MICU3: variants seen among roughly 807,000 people sequenced by gnomAD.
MICU3 encodes the protein calcium uptake protein 3, mitochondrial.
Under a neutral mutation model 66.5 loss-of-function variants are expected in MICU3, and 62 were observed. The observed-to-expected ratio is 0.93, with a 90% CI of 0.76 to 1.15. MICU3 has a LOEUF of 1.15. Ranked by LOEUF, MICU3 falls within the 50% of genes most tolerant of loss-of-function variation. MICU3 has a pLI of 0.00. For synonymous variants in MICU3, 308 were observed against 240.7 expected (o/e 1.28, Z -2.59); for missense variants, 779 against 664.4 (o/e 1.17, Z -1.90).
chr8:17,065,361 A>G (rs776270951), intron 2 of MICU3, among the ~76,000 whole-genome samples: 13 of 152,200 alleles, frequency 8.5e-5, no homozygotes, highest in Non-Finnish European at 1.9e-4. Context: ...TCCACTGGAT[A>G]TCAAGGAAGA....
At chr8:17,129,345 T>G in the MICU3 span, among the ~76,000 whole-genome samples, 1 of 152,170 alleles carries the variant, frequency 6.6e-6, no homozygotes, top group Non-Finnish European at 1.5e-5. Flanking sequence ...ACCCACATAT[T>G]TGAATTAGCA....
rs545893314 is a variant in MICU3, at chr8:17,120,826, A to C, written c.*539A>C. 1.3e-5 allele frequency: 2 copies of C among 152,586 alleles called. No homozygotes were observed. The highest frequency in any genetic ancestry group is 4.1e-4 in the South Asian group (2 of 4,822). 9.5% of individuals were successfully genotyped at this position (152,586 alleles called of 1,614,324 possible). Reference sequence around the variant, plus strand: ...TGAGATAATTTTGAAAAGAAATAGAAATTAAGCTACTATATAAAACAATTG... The same window carrying C: ...TGAGATAATTTTGAAAAGAAATAGACATTAAGCTACTATATAAAACAATTG... On this transcript the variant is annotated 3_prime_UTR_variant, in exon 15 of 15. Coordinates refer to ENST00000318063, the MANE Select transcript of MICU3 (RefSeq NM_181723.3).
chr8:17,036,420 G>C (rs918115802), intron 1 of MICU3, among the ~76,000 whole-genome samples: 3 of 152,040 alleles, frequency 2.0e-5, no homozygotes, highest in Non-Finnish European at 2.9e-5. Flanking sequence ...ATGCTGGCTC[G>C]GGCAGCCTGC....
chr8:17,094,320 A>G (rs1183108336), intron 8 of MICU3, among the ~76,000 whole-genome samples: 6 of 152,036 alleles, frequency 3.9e-5, no homozygotes, highest in African/African-American at 9.7e-5. Context: ...GAGGATCCAA[A>G]AGATATTTTG....
intron 4 of MICU3, among the ~76,000 whole-genome samples, chr8:17,078,428 C>T (rs1422696469): frequency 6.6e-6 from 1 of 151,956 alleles, no homozygotes; most frequent in Non-Finnish European, 1.5e-5. Flanking sequence ...TTAAACATTT[C>T]CTGGCAATCA....
intron 1 of MICU3, among the ~76,000 whole-genome samples, chr8:17,046,746 A>G (rs1329048226): frequency 6.6e-6 from 1 of 152,118 alleles, no homozygotes; most frequent in Non-Finnish European, 1.5e-5. Context: ...AAGGATGGAC[A>G]AGGAAAAAAA....
downstream of MICU3, among the ~76,000 whole-genome samples, chr8:17,125,379 A>C (rs1179007628): frequency 3.1e-4 from 47 of 150,038 alleles, no homozygotes. Context: ...TCATTGCCTT[A>C]TTTCTTTTTT....
chr8:17,075,891 G>C (rs1302391296), intron 3 of MICU3, among the ~76,000 whole-genome samples: 1 of 150,074 alleles, frequency 6.7e-6, no homozygotes. Context: ...CTGTAGCTGA[G>C]TTTAAGTTAG....
At position 17,027,302 on chromosome 8, in the gene MICU3, T is replaced by C. The variant is rs760297492; in HGVS notation, c.23T>C (p.Leu8Ser). 6 of 1,361,756 alleles carry C rather than the reference T, an allele frequency of 4.4e-6. No individual in the cohort carries two copies. In the East Asian group the frequency reaches 2.6e-4, roughly 59 times the overall value. The allele number at this position is 1,361,756 out of a possible 1,614,324, so 84.4% of individuals were successfully genotyped here. A position where few individuals can be genotyped will look rare whatever the true frequency, so the allele number is the denominator to read the frequency against. Residue 8 changes from leucine to serine, a missense_variant, in exon 1 of 15, where the codon TTG (leucine) becomes TCG (serine). Physicochemically the swap from Leu to Ser is moderately radical, Grantham distance 145. Coordinates refer to ENST00000318063, the MANE Select transcript of MICU3 (RefSeq NM_181723.3). The part of the protein sequence containing the change: MAALRRL[L>S]WPPPRVSPPL... ...GCTATGGCTGCGCTGCGAAGGCTCT[T>C]GTGGCCGCCACCCCGGGTGTCTCCT... is the stretch of plus-strand genomic sequence containing the variant.
At chr8:17,137,604 A>G in the MICU3 span, among the ~76,000 whole-genome samples, 1 of 150,198 alleles carries the variant, frequency 6.7e-6, no homozygotes, top group African/African-American at 2.4e-5. Flanking sequence ...TTCTTGGGAT[A>G]TGGAAATTTG....
At chr8:17,086,631 C>T (rs112361518) in intron 6 of MICU3, among the ~76,000 whole-genome samples, 20 of 152,176 alleles carry the variant, frequency 1.3e-4, no homozygotes, top group African/African-American at 4.8e-4. Context: ...GTTCTATGTC[C>T]ATACTGCCAA....
intron 1 of MICU3, among the ~76,000 whole-genome samples, chr8:17,041,006 T>C (rs979712501): frequency 4.6e-5 from 7 of 152,176 alleles, no homozygotes; most frequent in African/African-American, 1.7e-4. Flanking sequence ...ACTTGTACAA[T>C]AGATCAAGGT....
At chr8:17,063,770 C>A (rs1818239127) in intron 1 of MICU3, among the ~76,000 whole-genome samples, 1 of 152,110 alleles carries the variant, frequency 6.6e-6, no homozygotes, top group East Asian at 1.9e-4. Flanking sequence ...AAAAGTACCA[C>A]TGGCTCCATA....
intron 1 of MICU3, among the ~76,000 whole-genome samples, chr8:17,062,599 C>T (rs948082612): frequency 6.6e-6 from 1 of 152,082 alleles, no homozygotes; most frequent in Non-Finnish European, 1.5e-5. Flanking sequence ...TTTGTTATGG[C>T]TTCTCAAGGT....
intron 5 of MICU3, among the ~76,000 whole-genome samples, chr8:17,082,825 A>T (rs921841509): frequency 1.3e-5 from 2 of 152,190 alleles, no homozygotes; most frequent in African/African-American, 4.8e-5. Context: ...CTTAGCGAGG[A>T]ATGACGTTAA....
chr8:17,032,603 A>G (rs777940483), intron 1 of MICU3, among the ~76,000 whole-genome samples: 2 of 152,082 alleles, frequency 1.3e-5, no homozygotes, highest in Non-Finnish European at 2.9e-5. Flanking sequence ...TTCCTTTACC[A>G]TATGTTTTCC....
At chr8:17,040,477 A>T (rs950830642) in intron 1 of MICU3, among the ~76,000 whole-genome samples, 1 of 152,212 alleles carries the variant, frequency 6.6e-6, no homozygotes, top group African/African-American at 2.4e-5. Context: ...CCCTAACAGA[A>T]GGGGAAAATA....
At chr8:17,135,551 G>T in the MICU3 span, among the ~76,000 whole-genome samples, 3 of 152,182 alleles carry the variant, frequency 2.0e-5, no homozygotes, top group East Asian at 3.9e-4. Context: ...CTGGTGGGCA[G>T]TCATATTACA....
At chr8:17,064,390 T>C (rs1037895694) in intron 2 of MICU3, among the ~76,000 whole-genome samples, 153 bp downstream of exon 2, 2 of 152,184 alleles carry the variant, frequency 1.3e-5, no homozygotes, top group African/African-American at 2.4e-5. Context: ...TGATATTTCT[T>C]ACAAACTCTT....
Sources: gnomAD v4.1 joint callset for allele counts (sites outside exome capture counted in the v4.1 genomes callset) on GRCh38, gnomAD v4.1.1 for gene constraint, MANE v1.5 for transcripts, NCBI Gene and HGNC (gene_info 2026-07-23, HGNC 2026-07-21) for gene names.